NR3C2: variants seen among roughly 807,000 people sequenced by gnomAD.
NR3C2 encodes the protein nuclear receptor subfamily 3 group C member 2.
NR3C2 carries 15 observed loss-of-function variants against 86.4 expected under a neutral mutation model. The observed-to-expected ratio is 0.17, with a 90% CI of 0.12 to 0.27. NR3C2 has a LOEUF of 0.27. Ranked by LOEUF, NR3C2 falls within the 10% of genes least tolerant of loss-of-function variation. The probability of loss-of-function intolerance (pLI) is 1.00; values close to 1 mark genes in which losing one functional copy is unlikely to be tolerated. For synonymous variants in NR3C2, 458 were observed against 450.5 expected, an observed-to-expected ratio of 1.02 and a Z score of -0.21; for missense variants, 960 against 1,195.6, an observed-to-expected ratio of 0.80 and a Z score of 2.91.
At position 148,363,504 on chromosome 4, in the gene NR3C2, CTCT is replaced by C. The variant is rs1267645943; in HGVS notation, c.1757+71597_1757+71599del. Among the ~76,000 whole-genome samples, 7 of 69,880 alleles carry C rather than the reference CTCT, an allele frequency of 1.0e-4. 1 individual carries two copies. The highest frequency in any genetic ancestry group is 7.2e-4 in the South Asian group (1 of 1,398). 45.8% of individuals were successfully genotyped at this position (69,880 alleles called of 152,430 possible). ...ATTAAAGTCTAGACTTCTCATAGAT[CTCT>C]TTTTTTTTTTTTTTGAGACGGAGTG... On this transcript the variant is annotated intron_variant, in intron 2 of 8. Coordinates refer to ENST00000358102, the MANE Select transcript of NR3C2 (RefSeq NM_000901.5).
chr4:148,298,369 A>T (rs887591230), intron 2 of NR3C2, among the ~76,000 whole-genome samples: 5 of 152,218 alleles, frequency 3.3e-5, no homozygotes, highest in African/African-American at 9.7e-5. Flanking sequence ...CTGAACAGTG[A>T]TGGCTGCCGG....
At chr4:148,370,437 G>A (rs1746359419) in intron 2 of NR3C2, among the ~76,000 whole-genome samples, 1 of 152,070 alleles carries the variant, frequency 6.6e-6, no homozygotes, top group Non-Finnish European at 1.5e-5. Flanking sequence ...AGTTTTTTCT[G>A]TGAATGTAAT....
At position 148,102,709 on chromosome 4, in the gene NR3C2, A is replaced by G. The variant is rs1731593937; in HGVS notation, c.2799+11395T>C. On this transcript the variant is annotated intron_variant, in intron 8 of 8. Transcript: ENST00000358102. ...CTCCTGCCCCTCCTGGATCCTCTAG[A>G]ATCTGTCAGACAGCACCATTCAGCA... is the stretch of plus-strand genomic sequence containing the variant. 2.0e-5 allele frequency among the ~76,000 whole-genome samples: 3 copies of G among 152,128 alleles called. No homozygotes were observed. In the South Asian group the frequency reaches 6.2e-4, roughly 32 times the overall value.
rs1234551278 is a variant in NR3C2, at chr4:148,081,510, G to C, written c.2800-11C>G. Reference sequence around the variant, plus strand: ...CAGGTCGCTCACCAGCTGTAACACAGACACAGGGGGCATGACACGGGGGCC... The same window carrying C: ...CAGGTCGCTCACCAGCTGTAACACACACACAGGGGGCATGACACGGGGGCC... On this transcript the variant is annotated splice_polypyrimidine_tract_variant and intron_variant, in intron 8 of 8. Transcript: ENST00000358102. 1.9e-6 allele frequency: 3 copies of C among 1,613,238 alleles called. No homozygotes were observed. The East Asian group carries it at 6.7e-5, about 36-fold the overall frequency.
chr4:148,358,573 T>G (rs1417185710), intron 2 of NR3C2, among the ~76,000 whole-genome samples: 1 of 151,814 alleles, frequency 6.6e-6, no homozygotes, highest in Non-Finnish European at 1.5e-5. Flanking sequence ...TATACATATG[T>G]AACTAACCTG....
chr4:148,421,712 T>C (rs1277527419), intron 2 of NR3C2, among the ~76,000 whole-genome samples: 1 of 152,170 alleles, frequency 6.6e-6, no homozygotes, highest in Non-Finnish European at 1.5e-5. Context: ...GAATACTAGA[T>C]GTATTTATTC....
intron 2 of NR3C2, among the ~76,000 whole-genome samples, chr4:148,430,188 G>A (rs1341003368): frequency 6.6e-6 from 1 of 152,092 alleles, no homozygotes. Flanking sequence ...TAAGTCCGTA[G>A]TATGTCACCG....
intron 3 of NR3C2, among the ~76,000 whole-genome samples, chr4:148,222,676 T>C (rs558285800): frequency 7.9e-5 from 12 of 152,354 alleles, no homozygotes; most frequent in African/African-American, 2.6e-4. Context: ...ATATATTCTG[T>C]TGGATAGAGA....
chr4:148,440,513 A>G (rs1315731626), intron 1 of NR3C2, among the ~76,000 whole-genome samples: 1 of 152,288 alleles, frequency 6.6e-6, no homozygotes, highest in Admixed American at 6.5e-5. Flanking sequence ...AAATCTAACT[A>G]ACAAAAATCA....
intron 4 of NR3C2, among the ~76,000 whole-genome samples, chr4:148,174,030 T>C (rs1319614837): frequency 6.6e-6 from 1 of 152,240 alleles, no homozygotes; most frequent in African/African-American, 2.4e-5. Flanking sequence ...TTGTGTTCAC[T>C]GCTTTATGTT....
intron 6 of NR3C2, among the ~76,000 whole-genome samples, chr4:148,131,418 G>T (rs1434666692): frequency 1.3e-5 from 2 of 151,958 alleles, no homozygotes; most frequent in Non-Finnish European, 2.9e-5. Context: ...AAAACAGCAT[G>T]CAGAAAAACA....
At chr4:148,210,819 C>T (rs1737246739) in intron 3 of NR3C2, among the ~76,000 whole-genome samples, 2 of 152,312 alleles carry the variant, frequency 1.3e-5, no homozygotes, top group Admixed American at 1.3e-4. Context: ...TACAAAACCA[C>T]CACAATCTGT....
intron 2 of NR3C2, 105 bp downstream of exon 2, chr4:148,434,999 A>C: frequency 8.8e-7 from 1 of 1,136,426 alleles, no homozygotes; most frequent in Admixed American, 1.8e-5. Flanking sequence ...CCATCCTTAA[A>C]ACAGTAATCT....
chr4:148,341,008 T>C (rs1482147234), intron 2 of NR3C2, among the ~76,000 whole-genome samples: 4 of 151,974 alleles, frequency 2.6e-5, no homozygotes, highest in African/African-American at 9.7e-5. Context: ...ACGGGAACAC[T>C]TGTACACTGT....
intron 2 of NR3C2, among the ~76,000 whole-genome samples, chr4:148,402,120 G>A (rs1288834051): frequency 6.6e-6 from 1 of 152,136 alleles, no homozygotes; most frequent in Non-Finnish European, 1.5e-5. Flanking sequence ...GCCATGTACA[G>A]GTTTTTAATC....
rs569312361 is a variant in NR3C2 at position 148,091,794 on chromosome 4, G to A, written c.2800-10295C>T. Among the ~76,000 whole-genome samples, 128 of 152,342 alleles carry A rather than the reference G, an allele frequency of 8.4e-4. 1 individual carries two copies. Among genetic ancestry groups the A allele is most frequent in the African/African-American group, 2.9e-3 (122 of 41,584 alleles). On this transcript the variant is annotated intron_variant, in intron 8 of 8. Transcript: ENST00000358102. The stretch of plus-strand genomic sequence containing the variant: ...TGTACATCATCAGACACTGTCCCCA[G>A]TACAGAGCTGATAGAGGCAGGGCAG...
At chr4:148,255,788 T>C (rs913457139) in intron 3 of NR3C2, among the ~76,000 whole-genome samples, 2 of 152,202 alleles carry the variant, frequency 1.3e-5, no homozygotes, top group African/African-American at 4.8e-5. Context: ...ATGGAACTAA[T>C]GGCAATTTAC....
intron 2 of NR3C2, among the ~76,000 whole-genome samples, chr4:148,405,766 C>A (rs1487092149): frequency 1.3e-5 from 2 of 152,214 alleles, no homozygotes; most frequent in Non-Finnish European, 2.9e-5. Context: ...GTGGGGGACT[C>A]AGAGTCTGTC....
At chr4:148,268,068 A>G (rs184507853) in intron 2 of NR3C2, among the ~76,000 whole-genome samples, 30 of 151,330 alleles carry the variant, frequency 2.0e-4, no homozygotes, top group African/African-American at 6.8e-4. Flanking sequence ...TCTCCTGAGT[A>G]GCTGGGATTA....
Sources: allele counts gnomAD v4.1 joint callset (sites outside exome capture counted in the v4.1 genomes callset), GRCh38; gene constraint gnomAD v4.1.1; transcripts MANE v1.5; gene names NCBI Gene and HGNC (gene_info 2026-07-23, HGNC 2026-07-21).